The following ATP10B variants were observed in gnomAD, a reference collection of about 807,000 sequenced individuals.
The protein encoded by ATP10B is ATPase phospholipid transporting 10B (putative).
In ATP10B, 122 loss-of-function variants were observed where a neutral mutation model predicts 141.2. The ratio of observed to expected loss-of-function variants is 0.86; its 90% CI spans 0.75 to 1.00. The LOEUF (loss-of-function observed/expected upper bound fraction) is 1.00, where lower values mean the gene tolerates loss of function less well. Among genes scored for constraint, ATP10B ranks in the 50% least tolerant of loss-of-function variants. The pLI, the probability that ATP10B is intolerant of heterozygous loss-of-function variation, is 0.00. For missense variants in ATP10B, 1,876 were observed against 1,825.3 expected (o/e 1.03, Z -0.51); for synonymous variants, 685 against 692.0 (o/e 0.99, Z 0.16).
chr5:160,571,574 T>C (rs112949653), intron 24 of ATP10B, among the ~76,000 whole-genome samples: 9 of 152,378 alleles, frequency 5.9e-5, no homozygotes, highest in African/African-American at 2.2e-4. Flanking sequence ...CATTCTTTTA[T>C]GAGGTTCATT....
intron 3 of ATP10B, among the ~76,000 whole-genome samples, chr5:160,701,276 C>G (rs1168073194): frequency 6.6e-6 from 1 of 152,148 alleles, no homozygotes; most frequent in East Asian, 1.9e-4. Context: ...AACTCCTTCC[C>G]CTCATAAACT....
chr5:160,593,025 A>C (rs1214395193), intron 22 of ATP10B, among the ~76,000 whole-genome samples: 1 of 152,240 alleles, frequency 6.6e-6, no homozygotes, highest in African/African-American at 2.4e-5. Flanking sequence ...ACCTCTGCAG[A>C]CTTAAATGTC....
chr5:160,834,240 G>A (rs1020504495), intron 1 of ATP10B, among the ~76,000 whole-genome samples: 10 of 151,968 alleles, frequency 6.6e-5, no homozygotes, highest in Middle Eastern at 3.2e-3. Flanking sequence ...CATGAGAATC[G>A]CTTGAACCTG....
At chr5:160,640,614 T>C (rs1451890452) in intron 9 of ATP10B, 22 bp from the exon 10 acceptor site, 1 of 1,613,318 alleles carries the variant, frequency 6.2e-7, no homozygotes, top group Non-Finnish European at 8.5e-7. Context: ...AATGAGGAAA[T>C]CAGTCCCTTA....
chr5:160,687,712 C>A, intron 5 of ATP10B, 88 bp downstream of exon 5: 1 of 1,440,376 alleles, frequency 6.9e-7, no homozygotes, highest in Non-Finnish European at 9.5e-7. Context: ...TTGCAGTGAG[C>A]CGAGATTGCA....
At chr5:160,822,597 T>C (rs911828241) in intron 1 of ATP10B, among the ~76,000 whole-genome samples, 2 of 152,074 alleles carry the variant, frequency 1.3e-5, no homozygotes, top group Non-Finnish European at 1.5e-5. Context: ...ATAGGTAAGA[T>C]TGGGAAGCCA....
chr5:160,685,127 C>T (rs1414665505), intron 6 of ATP10B: 3 of 701,214 alleles, frequency 4.3e-6, no homozygotes, highest in African/African-American at 1.7e-5. Flanking sequence ...TTGGGGTTCT[C>T]TTTGTGAGAC....
chr5:160,635,477 T>C (rs1276914276), intron 11 of ATP10B, among the ~76,000 whole-genome samples: 1 of 152,092 alleles, frequency 6.6e-6, no homozygotes, highest in African/African-American at 2.4e-5. Flanking sequence ...ATTCTGTACA[T>C]AGGAGGGGTA....
chr5:160,566,000 G>A, intron 25 of ATP10B, 100 bp from the exon 26 acceptor site: 1 of 1,148,372 alleles, frequency 8.7e-7, no homozygotes, highest in Non-Finnish European at 1.2e-6. Flanking sequence ...CCTGCCTGGA[G>A]CAAGATCCTC....
intron 2 of ATP10B, among the ~76,000 whole-genome samples, chr5:160,780,318 CCATATA>C (rs1770630475): frequency 6.6e-6 from 1 of 151,716 alleles, no homozygotes; most frequent in South Asian, 2.1e-4. Flanking sequence ...TATAGGGTTG[CCATATA>C]AATATACATG....
At chr5:160,572,186 G>T (rs1193602912) in intron 24 of ATP10B, among the ~76,000 whole-genome samples, 3 of 46,598 alleles carry the variant, frequency 6.4e-5, no homozygotes, top group Admixed American at 4.3e-4. Flanking sequence ...TGCTTTTAAA[G>T]AGTTTTTTTT....
chr5:160,588,209 C>G (rs1333458624), intron 24 of ATP10B, among the ~76,000 whole-genome samples: 2 of 152,200 alleles, frequency 1.3e-5, no homozygotes, highest in Non-Finnish European at 2.9e-5. Flanking sequence ...TTTACTTTCT[C>G]TCTTTCTATT....
At chr5:160,876,450 A>G in the ATP10B span, among the ~76,000 whole-genome samples, 1 of 150,404 alleles carries the variant, frequency 6.6e-6, no homozygotes, top group Non-Finnish European at 1.5e-5. Context: ...TCCAAAATTG[A>G]CACCCTAATA....
chr5:160,706,653 A>C (rs946304329), intron 3 of ATP10B, among the ~76,000 whole-genome samples: 4 of 152,192 alleles, frequency 2.6e-5, no homozygotes, highest in Non-Finnish European at 5.9e-5. Flanking sequence ...TTTCAGGTTT[A>C]CAGAAAAATT....
At chr5:160,704,354 G>T (rs1328247514) in intron 3 of ATP10B, among the ~76,000 whole-genome samples, 3 of 152,118 alleles carry the variant, frequency 2.0e-5, no homozygotes, top group Non-Finnish European at 4.4e-5. Flanking sequence ...ACTGTGCCAG[G>T]CCAAATAGTA....
rs1032897989 is a variant in ATP10B, at chr5:160,651,195, G to A, written c.676-1939C>T. On this transcript the variant is annotated intron_variant, in intron 7 of 25. Transcript: ENST00000327245. Reference sequence around the variant, plus strand: ...CTGAAAGGTAAAGAAGGCTCCCCATGGTCAAACCTATTTAAATCTCATGGG... The same window carrying A: ...CTGAAAGGTAAAGAAGGCTCCCCATAGTCAAACCTATTTAAATCTCATGGG... Among the ~76,000 whole-genome samples, 7 of 152,210 alleles carry A rather than the reference G, an allele frequency of 4.6e-5. No individual in the cohort carries two copies. In the South Asian group the frequency reaches 1.5e-3, roughly 32 times the overall value.
intron 24 of ATP10B, among the ~76,000 whole-genome samples, chr5:160,582,787 CTT>C (rs1178965299): frequency 6.6e-6 from 1 of 152,058 alleles, no homozygotes; most frequent in Admixed American, 6.5e-5. Flanking sequence ...CCTTTCCATT[CTT>C]TTTTCTCTAA....
At chr5:160,926,904 C>G in the ATP10B span, among the ~76,000 whole-genome samples, 3 of 152,246 alleles carry the variant, frequency 2.0e-5, no homozygotes, top group Admixed American at 6.5e-5. Context: ...TCGCTGCTCC[C>G]CATTGCTTGT....
the ATP10B span, among the ~76,000 whole-genome samples, chr5:160,892,510 T>C: frequency 6.6e-6 from 1 of 152,248 alleles, no homozygotes; most frequent in South Asian, 2.1e-4. Flanking sequence ...CTTTAAAAAG[T>C]GATTATTTGT....
Sources: allele counts gnomAD v4.1 joint callset (sites outside exome capture counted in the v4.1 genomes callset), GRCh38; gene constraint gnomAD v4.1.1; transcripts MANE v1.5; gene names NCBI Gene and HGNC (gene_info 2026-07-23, HGNC 2026-07-21).